Variants in ZFHX3 observed in about 807,000 individuals in gnomAD.
ZFHX3 encodes the protein zinc finger homeobox 3.
A neutral mutation model predicts 279.1 loss-of-function variants in ZFHX3; 42 were observed. That is an observed-to-expected ratio of 0.15 (90% confidence interval 0.12 to 0.19). The LOEUF (loss-of-function observed/expected upper bound fraction) is 0.19, where lower values mean the gene tolerates loss of function less well. ZFHX3 is among the 10% of genes least tolerant of loss of function. ZFHX3 has a pLI of 1.00. For synonymous variants in ZFHX3, 2,293 were observed against 1,957.8 expected (o/e 1.17, Z -4.52); for missense variants, 4,981 against 4,754.0 (o/e 1.05, Z -1.40).
intron 3 of ZFHX3, among the ~76,000 whole-genome samples, chr16:73,439,492 A>C (rs1466446834): frequency 6.6e-6 from 1 of 152,170 alleles, no homozygotes; most frequent in Non-Finnish European, 1.5e-5. Flanking sequence ...AACTAAATGC[A>C]AAATGCATAC....
At chr16:73,360,002 G>A (rs1217411576) in intron 3 of ZFHX3, among the ~76,000 whole-genome samples, 1 of 152,136 alleles carries the variant, frequency 6.6e-6, no homozygotes, top group Non-Finnish European at 1.5e-5. Flanking sequence ...ACCTGAGTAA[G>A]ACATAATGCA....
At chr16:73,863,830 C>T (rs1262224179) in intron 1 of ZFHX3, among the ~76,000 whole-genome samples, 1 of 152,182 alleles carries the variant, frequency 6.6e-6, no homozygotes, top group Non-Finnish European at 1.5e-5. Flanking sequence ...CGAAATGAAA[C>T]ATGTTCTAAT....
chr16:73,390,495 C>G (rs542000539), intron 3 of ZFHX3, among the ~76,000 whole-genome samples: 1 of 152,010 alleles, frequency 6.6e-6, no homozygotes, highest in African/African-American at 2.4e-5. Flanking sequence ...GGAGGCCTAG[C>G]GGGGATTCCA....
chr16:73,303,131 T>C (rs1171181446), intron 4 of ZFHX3, among the ~76,000 whole-genome samples: 2 of 152,082 alleles, frequency 1.3e-5, no homozygotes, highest in African/African-American at 4.8e-5. Flanking sequence ...TGGGCTCAAG[T>C]GATCCTCCCA....
chr16:72,999,155 G>GT (rs1009362847), intron 1 of ZFHX3, among the ~76,000 whole-genome samples: 23 of 152,054 alleles, frequency 1.5e-4, no homozygotes, highest in Non-Finnish European at 2.8e-4. Context: ...ACAATCTTTT[G>GT]TTTTTTTGTT....
chr16:72,816,081 T>C (rs2036597655), intron 5 of ZFHX3, among the ~76,000 whole-genome samples: 1 of 152,132 alleles, frequency 6.6e-6, no homozygotes, highest in Non-Finnish European at 1.5e-5. Context: ...AAGTAGGTAT[T>C]AGAAAAAAAG....
intron 3 of ZFHX3, among the ~76,000 whole-genome samples, chr16:72,942,203 T>C (rs1197562853): frequency 6.6e-6 from 1 of 152,236 alleles, no homozygotes; most frequent in Non-Finnish European, 1.5e-5. Flanking sequence ...AATTCAACAT[T>C]GAGTTCACAC....
At chr16:73,425,512 G>A (rs16971948) in intron 3 of ZFHX3, among the ~76,000 whole-genome samples, 6,357 of 152,192 alleles carry the variant, frequency 0.042, 433 homozygotes, top group African/African-American at 0.14. Context: ...TTTGTCCAAG[G>A]CCTTATGGCT....
intron 1 of ZFHX3, among the ~76,000 whole-genome samples, chr16:73,874,509 C>A (rs2029891776): frequency 6.6e-6 from 1 of 152,188 alleles, no homozygotes; most frequent in Admixed American, 6.5e-5. Flanking sequence ...ATTTCCTCCC[C>A]TCTAAATGTA....
At chr16:72,972,291 C>A (rs1018455352) in intron 1 of ZFHX3, among the ~76,000 whole-genome samples, 1 of 152,042 alleles carries the variant, frequency 6.6e-6, no homozygotes, top group Non-Finnish European at 1.5e-5. Context: ...CCCTTGAGTT[C>A]CTACCAGTCC....
At chr16:73,631,994 ATT>A (rs1188333172) in intron 2 of ZFHX3, among the ~76,000 whole-genome samples, 1 of 151,786 alleles carries the variant, frequency 6.6e-6, no homozygotes, top group Non-Finnish European at 1.5e-5. Flanking sequence ...AGTAACATTT[ATT>A]TTAAATAAAG....
At chr16:72,843,513 TAAAAAA>T (rs59007764) in intron 4 of ZFHX3, among the ~76,000 whole-genome samples, 96 of 39,458 alleles carry the variant, frequency 2.4e-3, no homozygotes, top group African/African-American at 8.5e-3. Flanking sequence ...AGACTCCGTC[TAAAAAA>T]AAAAAAAAAA....
chr16:73,229,807 T>C (rs1247132612), intron 5 of ZFHX3, among the ~76,000 whole-genome samples: 2 of 152,220 alleles, frequency 1.3e-5, no homozygotes, highest in Non-Finnish European at 2.9e-5. Context: ...CCAAATAATA[T>C]AGTCTTTATA....
At chr16:73,148,937 A>G (rs1966882523) in intron 5 of ZFHX3, among the ~76,000 whole-genome samples, 1 of 151,150 alleles carries the variant, frequency 6.6e-6, no homozygotes. Context: ...ACAGAGCAAG[A>G]CTCCATCTCA....
At chr16:73,417,149 T>TA (rs2017605727) in intron 3 of ZFHX3, among the ~76,000 whole-genome samples, 1 of 151,940 alleles carries the variant, frequency 6.6e-6, no homozygotes, top group African/African-American at 2.4e-5. Flanking sequence ...AACCTTCCTA[T>TA]ACATTCTATC....
intron 1 of ZFHX3, among the ~76,000 whole-genome samples, chr16:72,962,066 G>T (rs1383624270): frequency 1.3e-5 from 2 of 152,200 alleles, no homozygotes; most frequent in Admixed American, 6.5e-5. Context: ...AGGTTGGCAG[G>T]CCTGAAGGGG....
intron 2 of ZFHX3, among the ~76,000 whole-genome samples, chr16:73,620,739 A>G (rs560231070): frequency 6.6e-6 from 1 of 152,348 alleles, no homozygotes; most frequent in South Asian, 2.1e-4. Flanking sequence ...CACTTCTGAT[A>G]ATATCTTTGA....
intron 1 of ZFHX3, among the ~76,000 whole-genome samples, chr16:73,056,555 GA>G (rs985290455): frequency 4.7e-5 from 7 of 148,864 alleles, no homozygotes; most frequent in East Asian, 3.9e-4. Context: ...AACAGATTTG[GA>G]AAAAAAAACA....
intron 3 of ZFHX3, among the ~76,000 whole-genome samples, chr16:73,418,867 C>T (rs1297862936): frequency 6.6e-6 from 1 of 152,198 alleles, no homozygotes; most frequent in Non-Finnish European, 1.5e-5. Context: ...TTTTTCACGT[C>T]CTCCCTGATT....
Sources: gnomAD v4.1 joint callset for allele counts (sites outside exome capture counted in the v4.1 genomes callset) on GRCh38, gnomAD v4.1.1 for gene constraint, MANE v1.5 for transcripts, NCBI Gene and HGNC (gene_info 2026-07-23, HGNC 2026-07-21) for gene names.